The following SMOC2 variants were observed in gnomAD, a reference collection of about 807,000 sequenced individuals.
SMOC2 encodes SPARC-related modular calcium-binding protein 2.
In SMOC2, 39 loss-of-function variants were observed where a neutral mutation model predicts 61.4. That is an observed-to-expected ratio of 0.64 (90% CI 0.49 to 0.83). The LOEUF (loss-of-function observed/expected upper bound fraction) is 0.83. Ranked by LOEUF, SMOC2 falls within the 40% of genes least tolerant of loss-of-function variation. SMOC2 has a pLI of 0.00. For synonymous variants in SMOC2, 247 were observed against 239.9 expected, an observed-to-expected ratio of 1.03 and a Z score of -0.27; for missense variants, 556 against 592.9, an observed-to-expected ratio of 0.94 and a Z score of 0.65.
At chr6:168,520,080 C>G (rs186311482) in intron 2 of SMOC2, among the ~76,000 whole-genome samples, 11 of 152,312 alleles carry the variant, frequency 7.2e-5, no homozygotes, top group African/African-American at 2.4e-4. Context: ...ATGCGCTAGT[C>G]TGCTGCTGTG....
chr6:168,442,686 A>T (rs938730806), intron 1 of SMOC2, among the ~76,000 whole-genome samples: 14 of 152,226 alleles, frequency 9.2e-5, no homozygotes, highest in African/African-American at 3.4e-4. Flanking sequence ...AGCAAATTTA[A>T]AACAGTCATG....
intron 8 of SMOC2, among the ~76,000 whole-genome samples, chr6:168,605,035 G>A (rs934400424): frequency 2.6e-5 from 4 of 152,112 alleles, no homozygotes; most frequent in Non-Finnish European, 5.9e-5. Flanking sequence ...AGTCCAGGTG[G>A]GAGCCGAGGG....
At chr6:168,607,815 G>A (rs985574370) in intron 8 of SMOC2, among the ~76,000 whole-genome samples, 1 of 151,274 alleles carries the variant, frequency 6.6e-6, no homozygotes, top group African/African-American at 2.4e-5. Context: ...AGGGGGAGGT[G>A]TGGGCGCTGC....
At chr6:168,447,479 C>T (rs1404117099) in intron 1 of SMOC2, among the ~76,000 whole-genome samples, 2 of 152,174 alleles carry the variant, frequency 1.3e-5, no homozygotes, top group African/African-American at 4.8e-5. Context: ...TTCTGTTCCT[C>T]ACACTCCTTC....
intron 1 of SMOC2, among the ~76,000 whole-genome samples, chr6:168,455,069 G>A (rs943938132): frequency 6.6e-6 from 1 of 152,122 alleles, no homozygotes; most frequent in Non-Finnish European, 1.5e-5. Flanking sequence ...GGGCTTGTTA[G>A]GGGCCCCTGC....
intron 7 of SMOC2, among the ~76,000 whole-genome samples, chr6:168,562,848 C>T (rs1481305320): frequency 1.3e-5 from 2 of 152,146 alleles, no homozygotes; most frequent in Non-Finnish European, 2.9e-5. Flanking sequence ...TCCCTCCAGG[C>T]CGTATTTTCA....
At chr6:168,534,457 A>G (rs9346554) in intron 4 of SMOC2, among the ~76,000 whole-genome samples, 1 of 152,374 alleles carries the variant, frequency 6.6e-6, no homozygotes, top group South Asian at 2.1e-4. Context: ...ACTGGAAGTC[A>G]GGTTCCCCTG....
chr6:168,581,305 C>G (rs965929464), intron 7 of SMOC2, among the ~76,000 whole-genome samples: 1 of 151,914 alleles, frequency 6.6e-6, no homozygotes, highest in African/African-American at 2.4e-5. Context: ...TAAGTAAAAT[C>G]AATTCTAAAA....
rs78984562 is a variant in SMOC2 at position 168,508,832 on chromosome 6, T to C, written c.85-1083T>C. On this transcript the variant is annotated intron_variant, in intron 1 of 12. Transcript: ENST00000356284. ...GGCCACGTACTACCATAGCCTATGC[T>C]CTGCCAGCCACAGCTCTGCGCGTTT... 7.6e-3 allele frequency among the ~76,000 whole-genome samples: 1,153 copies of C among 152,350 alleles called. 14 individuals carry two copies. Among genetic ancestry groups the C allele is most frequent in the African/African-American group, 0.027 (1,111 of 41,586 alleles).
intron 1 of SMOC2, among the ~76,000 whole-genome samples, chr6:168,451,907 T>C (rs1268911761): frequency 2.6e-5 from 4 of 152,230 alleles, no homozygotes; most frequent in Non-Finnish European, 4.4e-5. Context: ...ACCTACACCC[T>C]GCTGGAAACA....
At chr6:168,513,122 C>T (rs942436812) in intron 2 of SMOC2, among the ~76,000 whole-genome samples, 5 of 152,230 alleles carry the variant, frequency 3.3e-5, no homozygotes, top group African/African-American at 1.2e-4. Flanking sequence ...TTAAAACACA[C>T]ATTGAAACTT....
chr6:168,645,618 G>T (rs559260784), intron 9 of SMOC2, among the ~76,000 whole-genome samples: 1 of 152,088 alleles, frequency 6.6e-6, no homozygotes, highest in Admixed American at 6.5e-5. Context: ...GTGACAGCCC[G>T]GGCACAAGAG....
intron 7 of SMOC2, among the ~76,000 whole-genome samples, chr6:168,555,632 C>T (rs950421074): frequency 6.6e-6 from 1 of 152,200 alleles, no homozygotes; most frequent in African/African-American, 2.4e-5. Flanking sequence ...TAAATCATGC[C>T]TCTTGCGGGA....
At chr6:168,518,297 AATGTGT>A (rs1783196010) in intron 2 of SMOC2, among the ~76,000 whole-genome samples, 1 of 151,986 alleles carries the variant, frequency 6.6e-6, no homozygotes, top group East Asian at 1.9e-4. Flanking sequence ...TGAATGTGTG[AATGTGT>A]GAGAGGGCGT....
At chr6:168,517,762 T>G (rs1419850626) in intron 2 of SMOC2, among the ~76,000 whole-genome samples, 4 of 117,306 alleles carry the variant, frequency 3.4e-5, no homozygotes, top group Non-Finnish European at 7.8e-5. Context: ...CTGGGCAGAC[T>G]CTGACGGGTG....
intron 7 of SMOC2, among the ~76,000 whole-genome samples, chr6:168,556,300 T>C (rs1164309773): frequency 1.3e-5 from 2 of 152,122 alleles, no homozygotes; most frequent in Non-Finnish European, 2.9e-5. Context: ...GCTCCTTTCC[T>C]CCAGTGTCCT....
intron 9 of SMOC2, among the ~76,000 whole-genome samples, chr6:168,625,723 C>A (rs1424170673): frequency 6.6e-6 from 1 of 152,184 alleles, no homozygotes; most frequent in African/African-American, 2.4e-5. Flanking sequence ...GAGCCCTGGG[C>A]CCCAGGAGCA....
At chr6:168,506,248 C>T (rs1352273807) in intron 1 of SMOC2, among the ~76,000 whole-genome samples, 1 of 152,136 alleles carries the variant, frequency 6.6e-6, no homozygotes, top group African/African-American at 2.4e-5. Flanking sequence ...GTGGCCCAGG[C>T]TGGTCTCAAA....
intron 7 of SMOC2, among the ~76,000 whole-genome samples, chr6:168,563,205 C>T (rs1784461891): frequency 6.6e-6 from 1 of 152,208 alleles, no homozygotes; most frequent in Admixed American, 6.5e-5. Context: ...CACTTGTTCA[C>T]TTTTCATTTT....
Sources: gnomAD v4.1 joint callset for allele counts (sites outside exome capture counted in the v4.1 genomes callset) on GRCh38, gnomAD v4.1.1 for gene constraint, MANE v1.5 for transcripts, NCBI Gene and HGNC (gene_info 2026-07-23, HGNC 2026-07-21) for gene names.